CAB39L: variants seen among roughly 807,000 people sequenced by gnomAD.
CAB39L encodes calcium-binding protein 39-like.
Under a neutral mutation model 39.1 loss-of-function variants are expected in CAB39L, and 23 were observed. That is an observed-to-expected ratio of 0.59 (90% CI 0.42 to 0.83). The LOEUF (loss-of-function observed/expected upper bound fraction) is 0.83, where lower values mean the gene tolerates loss of function less well. CAB39L is among the 40% of genes least tolerant of loss of function. The pLI is 0.00. For synonymous variants in CAB39L, 126 were observed against 137.2 expected, an observed-to-expected ratio of 0.92 and a Z score of 0.57; for missense variants, 366 against 391.9, an observed-to-expected ratio of 0.93 and a Z score of 0.56.
intron 4 of CAB39L, among the ~76,000 whole-genome samples, chr13:49,378,653 G>A (rs1197894234): frequency 6.9e-5 from 4 of 57,994 alleles, no homozygotes; most frequent in Admixed American, 1.3e-4. Context: ...CTGCCTGGCC[G>A]CCCCTACTGG....
chr13:49,396,040 G>C lies in CAB39L; in HGVS notation c.-31-13099C>G, dbSNP rs558828486. Among the ~76,000 whole-genome samples the C allele has an allele frequency of 4.1e-5, 6 of 144,962 alleles. No homozygotes were observed. In the East Asian group the frequency reaches 7.8e-4, roughly 19 times the overall value. ...AACACTTTGGGAGGTCAAGGCTGCA[G>C]TGAGCCATGTTTGTGCCACTGCACT... is the stretch of plus-strand genomic sequence containing the variant. On this transcript the variant is annotated intron_variant, in intron 3 of 10. Transcript: ENST00000409308.
intron 6 of CAB39L, chr13:49,351,262 TTG>T (rs3035410): frequency 0.12 from 18,572 of 149,152 alleles, 1,280 homozygotes; most frequent in Non-Finnish European, 0.16. Flanking sequence ...GGTGACTAAA[TTG>T]TGTGTGTGTG....
intron 9 of CAB39L, 91 bp from the exon 10 acceptor site, chr13:49,332,181 A>C: frequency 4.9e-6 from 7 of 1,424,148 alleles, no homozygotes; most frequent in Non-Finnish European, 6.7e-6. Flanking sequence ...CAAAATATAA[A>C]TGTGAGTAAG....
intron 4 of CAB39L, 61 bp downstream of exon 4, chr13:49,382,724 TCATTAAGCTTTTACA>T: frequency 1.1e-6 from 1 of 892,894 alleles, no homozygotes; most frequent in South Asian, 1.4e-5. Flanking sequence ...TTTGAATTCT[TCATTAAGCTTTTACA>T]TTGGTTTTTG....
chr13:49,350,725 G>C lies in CAB39L; in HGVS notation c.564+19C>G. The C allele has an allele frequency of 6.6e-7, 1 of 1,515,134 alleles. No homozygotes were observed. Among genetic ancestry groups the C allele is most frequent in the South Asian group, 1.3e-5 (1 of 75,204 alleles). The allele number at this position is 1,515,134 out of a possible 1,614,324, so 93.9% of individuals were successfully genotyped here. A position where few individuals can be genotyped will look rare whatever the true frequency, so the allele number is the denominator to read the frequency against. On this transcript the variant is annotated intron_variant, in intron 7 of 10. Transcript: ENST00000409308. ...AGTGACTATAAATTGACCTAGCTGA[G>C]TTGGAAAAAAAAAATTACCTTGAAA...
chr13:49,393,230 A>T (rs1314007465), intron 3 of CAB39L, among the ~76,000 whole-genome samples: 1 of 152,152 alleles, frequency 6.6e-6, no homozygotes, highest in Non-Finnish European at 1.5e-5. Flanking sequence ...ATAAATATAC[A>T]TACAGCTTTC....
intron 5 of CAB39L, among the ~76,000 whole-genome samples, chr13:49,374,938 AC>A (rs1956015478): frequency 1.3e-5 from 2 of 152,206 alleles, no homozygotes; most frequent in Admixed American, 1.3e-4. Context: ...AACAAGCAAA[AC>A]AACAGAAAAT....
intron 9 of CAB39L, among the ~76,000 whole-genome samples, chr13:49,336,626 G>A (rs1954855307): frequency 6.6e-6 from 1 of 152,224 alleles, no homozygotes; most frequent in South Asian, 2.1e-4. Flanking sequence ...TTGAAAAAAA[G>A]GAAGGATTTG....
intron 3 of CAB39L, among the ~76,000 whole-genome samples, chr13:49,415,736 G>C (rs1957075021): frequency 6.6e-6 from 1 of 152,116 alleles, no homozygotes; most frequent in African/African-American, 2.4e-5. Context: ...AGCTTTGTGA[G>C]GGCAGGATGT....
rs140130891 is a variant in CAB39L, at chr13:49,310,885, C to A, written c.943G>T (p.Asp315Tyr). 19 of 1,614,184 alleles carry A rather than the reference C, an allele frequency of 1.2e-5. No individual in the cohort carries two copies. The highest frequency in any genetic ancestry group is 1.4e-5 in the Non-Finnish European group (16 of 1,180,038). Residue 315 changes from aspartate (D) to tyrosine (Y), a missense_variant, in exon 11 of 11, where the codon GAT becomes TAT. Physicochemically the swap from Asp to Tyr is radical, Grantham distance 160. Coordinates refer to ENST00000409308, the MANE Select transcript of CAB39L (RefSeq NM_001079670.3). ...LSSFQKERTD[D>Y]EQFADEKNYL... ...TTCTTCTCGTCAGCGAACTGCTCAT[C>A]ATCCGTCCTTTCTTTTTGGAAGCTG...
At chr13:49,423,486 G>A (rs1461148608) in intron 3 of CAB39L, among the ~76,000 whole-genome samples, 1 of 152,120 alleles carries the variant, frequency 6.6e-6, no homozygotes, top group Non-Finnish European at 1.5e-5. Flanking sequence ...GGGAGGCCAA[G>A]GTGGGAGGAT....
intron 5 of CAB39L, among the ~76,000 whole-genome samples, chr13:49,371,661 A>G (rs1020540374): frequency 2.6e-5 from 4 of 152,060 alleles, no homozygotes; most frequent in Non-Finnish European, 5.9e-5. Context: ...CAGTAGCACA[A>G]TCTTGGCTCA....
At position 49,408,261 on chromosome 13, in the gene CAB39L, C is replaced by G. The variant is rs531621616; in HGVS notation, c.-32+25057G>C. ...ACAAGGCATTCCCATGCCTGTGTGA[C>G]AGTAAGCAGGTTATACCTTTAAAAC... On this transcript the variant is annotated intron_variant, in intron 3 of 10. Transcript: ENST00000409308. Among the ~76,000 whole-genome samples the G allele has an allele frequency of 2.6e-5, 4 of 152,214 alleles. No individual in the cohort carries two copies. In the East Asian group the frequency reaches 7.7e-4, roughly 29 times the overall value.
intron 4 of CAB39L, among the ~76,000 whole-genome samples, chr13:49,380,002 C>T (rs547996667): frequency 9.9e-4 from 150 of 152,082 alleles, no homozygotes; most frequent in African/African-American, 3.5e-3. Flanking sequence ...CCACCACGCC[C>T]GGCTAATTTT....
chr13:49,343,109 C>G (rs944370747), intron 8 of CAB39L, among the ~76,000 whole-genome samples: 3 of 152,178 alleles, frequency 2.0e-5, no homozygotes, highest in Non-Finnish European at 4.4e-5. Context: ...ACAAAACATA[C>G]AAAGTTTTCC....
intron 6 of CAB39L, among the ~76,000 whole-genome samples, chr13:49,359,232 C>T (rs74072523): frequency 2.6e-5 from 4 of 152,140 alleles, no homozygotes; most frequent in Non-Finnish European, 5.9e-5. Context: ...TCACCCACCT[C>T]GACTTCAGTT....
intron 5 of CAB39L, among the ~76,000 whole-genome samples, chr13:49,367,566 T>C (rs548898176): frequency 6.6e-6 from 1 of 152,312 alleles, no homozygotes; most frequent in Admixed American, 6.5e-5. Context: ...AGTAGGTGAA[T>C]CTTCAATTTA....
chr13:49,422,337 C>T (rs1957183334), intron 3 of CAB39L, among the ~76,000 whole-genome samples: 1 of 152,162 alleles, frequency 6.6e-6, no homozygotes, highest in Admixed American at 6.5e-5. Flanking sequence ...CTTTGGGAGG[C>T]CCAGGTGAGT....
At chr13:49,427,360 G>A (rs1041032707) in intron 3 of CAB39L, among the ~76,000 whole-genome samples, 3 of 152,056 alleles carry the variant, frequency 2.0e-5, no homozygotes, top group Admixed American at 6.6e-5. Flanking sequence ...CATCCACTAC[G>A]AAGTTCCAAA....
Sources: allele counts gnomAD v4.1 joint callset (sites outside exome capture counted in the v4.1 genomes callset), GRCh38; gene constraint gnomAD v4.1.1; transcripts MANE v1.5; gene names NCBI Gene and HGNC (gene_info 2026-07-23, HGNC 2026-07-21).